SGCD: variants seen among roughly 807,000 people sequenced by gnomAD.
SGCD encodes the protein sarcoglycan delta.
SGCD carries 18 observed loss-of-function variants against 36.6 expected under a neutral mutation model. The ratio of observed to expected loss-of-function variants is 0.49; its 90% CI spans 0.34 to 0.73. The LOEUF is 0.73. Among genes scored for constraint, SGCD ranks in the 30% least tolerant of loss-of-function variants. The probability of loss-of-function intolerance (pLI) is 0.01; values close to 1 mark genes in which losing one functional copy is unlikely to be tolerated. For missense variants in SGCD, 387 were observed against 346.7 expected, an observed-to-expected ratio of 1.12 and a Z score of -0.92; for synonymous variants, 133 against 130.6, an observed-to-expected ratio of 1.02 and a Z score of -0.12.
intron 7 of SGCD, among the ~76,000 whole-genome samples, chr5:156,657,768 G>A (rs1763751425): frequency 6.7e-6 from 1 of 150,028 alleles, no homozygotes; most frequent in South Asian, 2.2e-4. Flanking sequence ...CGAGAGATTT[G>A]GAAAAGAAAA....
intron 7 of SGCD, among the ~76,000 whole-genome samples, chr5:156,691,078 G>T (rs1754087557): frequency 6.6e-6 from 1 of 151,730 alleles, no homozygotes; most frequent in African/African-American, 2.4e-5. Context: ...GTGGTGGTGG[G>T]TGCCTGTAAT....
At chr5:156,693,834 T>G (rs1410076664) in intron 7 of SGCD, among the ~76,000 whole-genome samples, 1 of 152,204 alleles carries the variant, frequency 6.6e-6, no homozygotes, top group South Asian at 2.1e-4. Flanking sequence ...ACTTAGAAAT[T>G]GAAGGATTTT....
chr5:156,024,008 C>T (rs1759168315), intron 1 of SGCD, among the ~76,000 whole-genome samples: 1 of 152,184 alleles, frequency 6.6e-6, no homozygotes, highest in Admixed American at 6.5e-5. Flanking sequence ...GGCTGCAGTT[C>T]TCCTGTGGTT....
intron 1 of SGCD, among the ~76,000 whole-genome samples, chr5:155,974,719 C>G (rs1561668812): frequency 1.3e-5 from 2 of 152,036 alleles, no homozygotes; most frequent in African/African-American, 4.8e-5. Context: ...ATTATTTGCA[C>G]CATTCCCTTA....
chr5:156,191,533 A>G (rs77092140), intron 3 of SGCD, among the ~76,000 whole-genome samples: 2,254 of 149,982 alleles, frequency 0.015, 69 homozygotes, highest in African/African-American at 0.052. Flanking sequence ...CATACACCCA[A>G]TAATTTGTTT....
At chr5:155,876,339 C>T (rs1755767796) in intron 1 of SGCD, among the ~76,000 whole-genome samples, 1 of 151,548 alleles carries the variant, frequency 6.6e-6, no homozygotes, top group African/African-American at 2.4e-5. Flanking sequence ...AACATCAATA[C>T]AAGAATATCT....
the SGCD span, among the ~76,000 whole-genome samples, chr5:155,812,358 C>T: frequency 1.4e-3 from 212 of 152,286 alleles, 2 homozygotes; most frequent in East Asian, 9.1e-3. Context: ...ATAGGCTCTC[C>T]GCAGAGGGAA....
chr5:156,643,951 C>T (rs1763136048), intron 6 of SGCD, among the ~76,000 whole-genome samples: 1 of 151,992 alleles, frequency 6.6e-6, no homozygotes, highest in Non-Finnish European at 1.5e-5. Flanking sequence ...AGGTTTAAAC[C>T]CAACGATGAT....
At chr5:156,020,417 G>T (rs1230077633) in intron 1 of SGCD, among the ~76,000 whole-genome samples, 1 of 152,136 alleles carries the variant, frequency 6.6e-6, no homozygotes, top group Non-Finnish European at 1.5e-5. Context: ...TGAATAGCCT[G>T]CTTCATATTT....
intron 3 of SGCD, among the ~76,000 whole-genome samples, chr5:156,369,442 G>A (rs1421158446): frequency 6.6e-6 from 1 of 152,140 alleles, no homozygotes; most frequent in Non-Finnish European, 1.5e-5. Context: ...ATTAGATTGG[G>A]GTTATAGACT....
chr5:155,984,856 T>C (rs1179488017), intron 1 of SGCD, among the ~76,000 whole-genome samples: 3 of 152,188 alleles, frequency 2.0e-5, no homozygotes, highest in African/African-American at 7.2e-5. Context: ...TGCATATGCA[T>C]TTATGTAAAT....
intron 3 of SGCD, among the ~76,000 whole-genome samples, chr5:156,246,806 T>C (rs1765451721): frequency 6.6e-6 from 1 of 152,190 alleles, no homozygotes; most frequent in Non-Finnish European, 1.5e-5. Context: ...AGGAGTTTTG[T>C]AGTGCTAGAC....
chr5:156,031,601 C>A (rs1204991369), intron 1 of SGCD, among the ~76,000 whole-genome samples: 1 of 152,158 alleles, frequency 6.6e-6, no homozygotes, highest in Admixed American at 6.5e-5. Flanking sequence ...GGATAATGTC[C>A]ATATTATTTG....
intron 3 of SGCD, among the ~76,000 whole-genome samples, chr5:156,351,330 G>A (rs1769240386): frequency 6.6e-6 from 1 of 152,176 alleles, no homozygotes; most frequent in East Asian, 1.9e-4. Context: ...AAGAGTCAGT[G>A]TTGACAACAG....
chr5:156,285,680 G>T (rs1239327301), intron 3 of SGCD, among the ~76,000 whole-genome samples: 1 of 152,052 alleles, frequency 6.6e-6, no homozygotes, highest in Non-Finnish European at 1.5e-5. Context: ...AATTCAAGAT[G>T]GATTAAAGAC....
chr5:156,452,816 G>A (rs1156454371), intron 3 of SGCD, among the ~76,000 whole-genome samples: 2 of 152,106 alleles, frequency 1.3e-5, no homozygotes, highest in Non-Finnish European at 1.5e-5. Context: ...AGGTAATGTA[G>A]ATAAATGTGA....
the SGCD span, among the ~76,000 whole-genome samples, chr5:155,851,780 G>A: frequency 1.3e-5 from 2 of 152,154 alleles, no homozygotes; most frequent in African/African-American, 2.4e-5. Flanking sequence ...ATATTTTGGA[G>A]AGCCTCTTTT....
the SGCD span, among the ~76,000 whole-genome samples, chr5:155,744,111 T>C: frequency 6.6e-6 from 1 of 152,074 alleles, no homozygotes; most frequent in Non-Finnish European, 1.5e-5. Context: ...GACTTCAACT[T>C]CTAAGATTTT....
At chr5:155,770,248 A>G in the SGCD span, among the ~76,000 whole-genome samples, 2 of 152,016 alleles carry the variant, frequency 1.3e-5, no homozygotes, top group Non-Finnish European at 2.9e-5. Flanking sequence ...ATACCAGGAG[A>G]ATAATAGCAA....
Sources: gnomAD v4.1 joint callset for allele counts (sites outside exome capture counted in the v4.1 genomes callset) on GRCh38, gnomAD v4.1.1 for gene constraint, MANE v1.5 for transcripts, NCBI Gene and HGNC (gene_info 2026-07-23, HGNC 2026-07-21) for gene names.